MAP3K7: variants seen among roughly 807,000 people sequenced by gnomAD.
MAP3K7 encodes TGF-beta activated kinase 1.
Under a neutral mutation model 84.8 loss-of-function variants are expected in MAP3K7, and 21 were observed. The observed-to-expected ratio is 0.25, with a 90% CI of 0.18 to 0.36. The LOEUF (loss-of-function observed/expected upper bound fraction) is 0.36, where lower values mean the gene tolerates loss of function less well. Among genes scored for constraint, MAP3K7 ranks in the 10% least tolerant of loss-of-function variants. The probability of loss-of-function intolerance (pLI) is 1.00; values close to 1 mark genes in which losing one functional copy is unlikely to be tolerated. For missense variants in MAP3K7, 503 were observed against 747.7 expected (o/e 0.67, Z 3.82); for synonymous variants, 241 against 247.7 (o/e 0.97, Z 0.25).
At chr6:90,567,933 A>C (rs1443648205) in intron 3 of MAP3K7, among the ~76,000 whole-genome samples, 9 of 152,212 alleles carry the variant, frequency 5.9e-5, no homozygotes, top group South Asian at 2.1e-4. Flanking sequence ...TGAAGCTGGA[A>C]ACCATTATTC....
At position 90,556,555 on chromosome 6, in the gene MAP3K7, T is replaced by A; in HGVS notation, c.552A>T (p.Thr184=). The A allele has an allele frequency of 6.2e-7, 1 of 1,613,786 alleles. No homozygotes were observed. The highest frequency in any genetic ancestry group is 2.2e-5 in the East Asian group (1 of 44,838). Residue 184 remains threonine, a synonymous_variant, in exon 6 of 17, where the codon ACA becomes ACT. Transcript: ENST00000369329. ...CDFGTACDIQ[T]HMTNNKGSAA... is the part of the protein sequence containing the mutation. The stretch of plus-strand genomic sequence containing the variant: ...CACTCCCCTTGTTATTGGTCATGTG[T>A]GTCTGAATGTCACAGGCTGTACCAA...
chr6:90,521,122 T>C (rs961270300), intron 14 of MAP3K7, among the ~76,000 whole-genome samples: 4 of 152,094 alleles, frequency 2.6e-5, no homozygotes, highest in African/African-American at 4.8e-5. Context: ...AGGTCCTTCA[T>C]TGAATTTCAT....
In MAP3K7 at chr6:90,553,443, T is replaced by C. The variant is rs754748518; in HGVS notation, c.736+15A>G. ...ACACAAAAAGTACTTTTAAGAAAAA[T>C]TTCTTTTTACGAACCATTATGAACA... On this transcript the variant is annotated intron_variant, in intron 7 of 16. Coordinates refer to ENST00000369329, the MANE Select transcript of MAP3K7 (RefSeq NM_145331.3). 1.2e-6 allele frequency: 2 copies of C among 1,601,432 alleles called. No homozygotes were observed. Among genetic ancestry groups the C allele is most frequent in the East Asian group, 2.2e-5 (1 of 44,718 alleles).
intron 5 of MAP3K7, among the ~76,000 whole-genome samples, chr6:90,559,608 A>T (rs139638869): frequency 2.0e-4 from 31 of 152,314 alleles, no homozygotes; most frequent in East Asian, 7.7e-4. Context: ...AGAATCCAGA[A>T]TATTTTCAAT....
intron 7 of MAP3K7, among the ~76,000 whole-genome samples, chr6:90,552,536 C>A (rs1562095723): frequency 6.6e-6 from 1 of 152,104 alleles, no homozygotes; most frequent in Non-Finnish European, 1.5e-5. Flanking sequence ...TTTGATAAAT[C>A]TATGAATGAC....
intron 3 of MAP3K7, among the ~76,000 whole-genome samples, chr6:90,563,665 C>T (rs530373765): frequency 6.6e-6 from 1 of 152,198 alleles, no homozygotes; most frequent in Non-Finnish European, 1.5e-5. Flanking sequence ...TCCAGGAGAA[C>T]TTCCCCAACC....
chr6:90,575,893 A>G (rs1204693148), intron 1 of MAP3K7, among the ~76,000 whole-genome samples: 1 of 152,168 alleles, frequency 6.6e-6, no homozygotes, highest in Non-Finnish European at 1.5e-5. Flanking sequence ...TGTTTGGGAC[A>G]TCAGAAATAC....
chr6:90,544,999 G>A (rs1025833044), intron 11 of MAP3K7, among the ~76,000 whole-genome samples: 1 of 151,970 alleles, frequency 6.6e-6, no homozygotes, highest in Non-Finnish European at 1.5e-5. Flanking sequence ...GAGGAAGAAA[G>A]GCGTTAAAAA....
intron 3 of MAP3K7, among the ~76,000 whole-genome samples, chr6:90,566,423 C>G (rs1029652941): frequency 2.6e-5 from 4 of 152,132 alleles, no homozygotes; most frequent in Non-Finnish European, 5.9e-5. Flanking sequence ...TAATAACAGA[C>G]AAACAGAGAG....
intron 8 of MAP3K7, 35 bp from the exon 9 acceptor site, chr6:90,550,584 T>C (rs1776150019): frequency 7.5e-7 from 1 of 1,329,648 alleles, no homozygotes; most frequent in South Asian, 1.2e-5. Flanking sequence ...GCTTAAAATT[T>C]CCTTAATACA....
At chr6:90,529,760 G>C (rs1775439821) in intron 13 of MAP3K7, among the ~76,000 whole-genome samples, 1 of 152,086 alleles carries the variant, frequency 6.6e-6, no homozygotes, top group African/African-American at 2.4e-5. Context: ...AATTATAGTA[G>C]TCTCAAAGTT....
chr6:90,554,856 C>T (rs1386093258), intron 6 of MAP3K7, among the ~76,000 whole-genome samples: 2 of 152,078 alleles, frequency 1.3e-5, no homozygotes, highest in African/African-American at 4.8e-5. Context: ...AATATAACAC[C>T]TGATTATTCA....
chr6:90,546,384 T>A (rs550490016), intron 11 of MAP3K7, among the ~76,000 whole-genome samples: 2 of 152,306 alleles, frequency 1.3e-5, no homozygotes, highest in South Asian at 2.1e-4. Flanking sequence ...TTTATACACA[T>A]ACATAGTTAA....
Position 90,516,414 on chromosome 6 carries a change from C to A in MAP3K7, c.*87G>T. On this transcript the variant is annotated 3_prime_UTR_variant, in exon 17 of 17. Coordinates refer to ENST00000369329, the MANE Select transcript of MAP3K7 (RefSeq NM_145331.3). ...CATTCAGAACACGCCAAAAAGCTAA[C>A]ACTCATGAATCGTCATTATAAGGTT... The A allele has an allele frequency of 1.5e-6, 2 of 1,370,170 alleles. No individual in the cohort carries two copies. The highest frequency in any genetic ancestry group is 1.0e-6 in the Non-Finnish European group (1 of 984,782). The allele number at this position is 1,370,170 out of a possible 1,614,324, so 84.9% of individuals were successfully genotyped here.
intron 13 of MAP3K7, among the ~76,000 whole-genome samples, chr6:90,534,303 C>T (rs1265152620): frequency 6.6e-6 from 1 of 152,172 alleles, no homozygotes; most frequent in Non-Finnish European, 1.5e-5. Context: ...ACTTATCATA[C>T]ATTTTTTGGG....
chr6:90,536,487 T>C (rs1014860957), intron 12 of MAP3K7, 86 bp from the exon 13 acceptor site: 8 of 891,924 alleles, frequency 9.0e-6, no homozygotes, highest in African/African-American at 3.7e-5. Flanking sequence ...AAGTTGGAAT[T>C]TGTTGCTCCT....
intron 13 of MAP3K7, among the ~76,000 whole-genome samples, chr6:90,529,166 G>C (rs1775417818): frequency 6.6e-6 from 1 of 152,156 alleles, no homozygotes; most frequent in Non-Finnish European, 1.5e-5. Flanking sequence ...TGGCATTCAT[G>C]ACTCTCCATC....
Position 90,513,930 on chromosome 6 carries a change from G to A in MAP3K7, c.*2571C>T, listed in dbSNP as rs1285654507. 6.6e-6 allele frequency: 1 copy of A among 152,072 alleles called. No individual in the cohort carries two copies. Among genetic ancestry groups the A allele is most frequent in the Non-Finnish European group, 1.5e-5 (1 of 67,976 alleles). The allele number at this position is 152,072 out of a possible 1,614,324, so 9.4% of individuals were successfully genotyped here. A position where few individuals can be genotyped will look rare whatever the true frequency, so the allele number is the denominator to read the frequency against. On this transcript the variant is annotated 3_prime_UTR_variant, in exon 17 of 17. Transcript: ENST00000369329. ...AACAACTTGTAACAAATCTTTATAT[G>A]TTGTGTTGCTATGCGGTAAATATTC...
intron 14 of MAP3K7, among the ~76,000 whole-genome samples, chr6:90,523,332 A>G (rs1381183404): frequency 6.6e-6 from 1 of 152,134 alleles, no homozygotes; most frequent in Non-Finnish European, 1.5e-5. Flanking sequence ...TGGTTACTGA[A>G]AAAATGACTT....
Sources: allele counts gnomAD v4.1 joint callset (sites outside exome capture counted in the v4.1 genomes callset), GRCh38; gene constraint gnomAD v4.1.1; transcripts MANE v1.5; gene names NCBI Gene and HGNC (gene_info 2026-07-23, HGNC 2026-07-21).